GSE1: variants seen among roughly 807,000 people sequenced by gnomAD.
GSE1 encodes Gse1 coiled-coil protein.
In GSE1, 32 loss-of-function variants were observed where a neutral mutation model predicts 112.6. The ratio of observed to expected loss-of-function variants is 0.28; its 90% CI spans 0.21 to 0.38. GSE1 has a LOEUF of 0.38. GSE1 is among the 10% of genes least tolerant of loss of function. The probability of loss-of-function intolerance (pLI) is 1.00; values close to 1 mark genes in which losing one functional copy is unlikely to be tolerated. For missense variants in GSE1, 2,348 were observed against 1,699.2 expected (o/e 1.38, Z -6.71); for synonymous variants, 1,115 against 735.6 (o/e 1.52, Z -8.35).
intron 2 of GSE1, among the ~76,000 whole-genome samples, chr16:85,384,103 C>G (rs1270105259): frequency 6.6e-6 from 1 of 152,122 alleles, no homozygotes; most frequent in African/African-American, 2.4e-5. Flanking sequence ...ACCCTCCGGC[C>G]TTGCTATGCA....
In GSE1 at chr16:85,311,775, G is replaced by T. The variant is rs1043419039; in HGVS notation, c.2284-45688G>T. Among the ~76,000 whole-genome samples the T allele has an allele frequency of 1.3e-5, 2 of 152,092 alleles. No homozygotes were observed. Among genetic ancestry groups the T allele is most frequent in the African/African-American group, 4.8e-5 (2 of 41,398 alleles). On this transcript the variant is annotated intron_variant, in intron 1 of 2. Coordinates refer to the GSE1 transcript ENST00000637419. This position sits in a 1 kb window ranked among gnomAD's most constrained non-coding sequence, Gnocchi z 4.2. ...CTCTCCAGGGACATCTGTCCCACCT[G>T]CCGATGCCCACATACCACCTTGCAG...
In GSE1 at chr16:85,656,429, A is replaced by G; in HGVS notation, c.1076A>G (p.Lys359Arg). Residue 359 changes from lysine to arginine, a missense_variant, in exon 7 of 16, where the codon AAG becomes AGG. Transcript: ENST00000253458. Reference sequence around the variant, plus strand: ...CGTGAGGCTGACCGCGAGCGGGAGAAGGAACGTGAGCGCGAACGCGAGAAG... The same window carrying G: ...CGTGAGGCTGACCGCGAGCGGGAGAGGGAACGTGAGCGCGAACGCGAGAAG... Reference protein sequence around the residue: ...REREADREREKEREREREKER... With the variant: ...REREADREREREREREREKER... The G allele has an allele frequency of 1.3e-6, 2 of 1,570,174 alleles. No homozygotes were observed. The highest frequency in any genetic ancestry group is 2.8e-5 in the African/African-American group (2 of 72,482).
rs190112852 is a variant in GSE1, at chr16:85,255,395, G to A, written c.2283+83588G>A. 2.2e-3 allele frequency among the ~76,000 whole-genome samples: 341 copies of A among 151,996 alleles called. 2 individuals carry two copies. The highest frequency in any genetic ancestry group is 3.3e-3 in the Non-Finnish European group (222 of 67,968). The stretch of plus-strand genomic sequence containing the variant: ...TCAGTTTCCCCATCTGTAAAGTAGG[G>A]GTGATGTCAGTGCCTACTTTTTTTT... On this transcript the variant is annotated intron_variant, in intron 1 of 2. Transcript: ENST00000637419.
chr16:85,421,899 G>C (rs530540441), intron 2 of GSE1, among the ~76,000 whole-genome samples: 7 of 152,144 alleles, frequency 4.6e-5, no homozygotes, highest in African/African-American at 1.7e-4. Context: ...CTTCAAGGCC[G>C]GCCTCCTCTG....
At chr16:85,375,250 G>C (rs1597524640) in intron 2 of GSE1, among the ~76,000 whole-genome samples, 1 of 152,186 alleles carries the variant, frequency 6.6e-6, no homozygotes, top group Admixed American at 6.5e-5. Flanking sequence ...CTGGATCCCA[G>C]TGTCACCTCC....
chr16:85,667,457 A>AT (rs1490941971), intron 13 of GSE1, among the ~76,000 whole-genome samples: 2 of 152,230 alleles, frequency 1.3e-5, no homozygotes, highest in Non-Finnish European at 2.9e-5. Flanking sequence ...AATGAGGCTG[A>AT]TTCCTGGGGG....
intron 2 of GSE1, among the ~76,000 whole-genome samples, chr16:85,471,728 T>A (rs1597858655): frequency 6.6e-6 from 1 of 152,030 alleles, no homozygotes; most frequent in African/African-American, 2.4e-5. Flanking sequence ...ATTTACTTTT[T>A]TTCGATGATC....
upstream of GSE1, among the ~76,000 whole-genome samples, chr16:85,607,068 G>T (rs993384234): frequency 2.0e-5 from 3 of 151,214 alleles, no homozygotes; most frequent in Non-Finnish European, 4.4e-5. Flanking sequence ...CCTGGGGTGG[G>T]GGGGGCGGGA....
intron 2 of GSE1, among the ~76,000 whole-genome samples, chr16:85,367,765 G>C (rs1381975202): frequency 2.0e-5 from 3 of 152,040 alleles, no homozygotes; most frequent in Non-Finnish European, 4.4e-5. Context: ...AACTTTTGTT[G>C]AGTGAATGTG....
chr16:85,462,166 C>T (rs1187661663), intron 2 of GSE1, among the ~76,000 whole-genome samples: 1 of 152,186 alleles, frequency 6.6e-6, no homozygotes, highest in Non-Finnish European at 1.5e-5. Context: ...CGGGTCTGCC[C>T]CTCCTTGCCA....
At chr16:85,537,949 G>A (rs2044387988) in intron 2 of GSE1, among the ~76,000 whole-genome samples, 1 of 152,228 alleles carries the variant, frequency 6.6e-6, no homozygotes. Context: ...AGCGTGGCTG[G>A]AGCAGGGGTG....
At chr16:85,256,152 C>T (rs1907052372) in intron 1 of GSE1, among the ~76,000 whole-genome samples, 1 of 152,070 alleles carries the variant, frequency 6.6e-6, no homozygotes, top group Admixed American at 6.5e-5. Flanking sequence ...GGGGAGGGGA[C>T]GCCAACAGGG....
chr16:85,570,274 C>T (rs2045929371), intron 1 of GSE1, among the ~76,000 whole-genome samples: 1 of 152,082 alleles, frequency 6.6e-6, no homozygotes, highest in Non-Finnish European at 1.5e-5. Context: ...AGCCTCCCAG[C>T]ATGTGAGAGG....
chr16:85,662,151 G>C, intron 9 of GSE1: 1 of 182,022 alleles, frequency 5.5e-6, no homozygotes. Context: ...CAGGGCCGCT[G>C]CCACGAGCTG....
chr16:85,221,338 C>CCA (rs1171619912), intron 1 of GSE1, among the ~76,000 whole-genome samples: 1 of 151,486 alleles, frequency 6.6e-6, no homozygotes, highest in African/African-American at 2.4e-5. Flanking sequence ...ACACACACCC[C>CCA]AAGTACATGC....
intron 1 of GSE1, among the ~76,000 whole-genome samples, chr16:85,258,510 C>T (rs1325850695): frequency 2.6e-5 from 4 of 152,220 alleles, no homozygotes; most frequent in Non-Finnish European, 4.4e-5. Flanking sequence ...TTGCATCCTG[C>T]GGCCCCGTGG....
intron 2 of GSE1, among the ~76,000 whole-genome samples, chr16:85,416,264 G>C (rs569313422): frequency 6.6e-6 from 1 of 152,336 alleles, no homozygotes; most frequent in African/African-American, 2.4e-5. Flanking sequence ...AACCGCTCTT[G>C]GAACCCGGCT....
At chr16:85,536,510 G>T (rs998085471) in intron 2 of GSE1, among the ~76,000 whole-genome samples, 2 of 152,332 alleles carry the variant, frequency 1.3e-5, no homozygotes, top group African/African-American at 4.8e-5. Flanking sequence ...GGCTCGTCTA[G>T]CACATGGGAC....
intron 1 of GSE1, among the ~76,000 whole-genome samples, chr16:85,181,396 C>G (rs2143300537): frequency 1.3e-5 from 2 of 152,302 alleles, no homozygotes; most frequent in South Asian, 4.1e-4. Context: ...GGAGAGTGGC[C>G]AGTCCAATGC....
Sources: allele counts gnomAD v4.1 joint callset (sites outside exome capture counted in the v4.1 genomes callset), GRCh38; gene constraint gnomAD v4.1.1; non-coding constraint Gnocchi (gnomAD v3.1); transcripts MANE v1.5; gene names NCBI Gene and HGNC (gene_info 2026-07-23, HGNC 2026-07-21).